PTPRD: variants seen among roughly 807,000 people sequenced by gnomAD.
PTPRD encodes protein tyrosine phosphatase receptor type D.
In PTPRD, 34 loss-of-function variants were observed where a neutral mutation model predicts 214.5. That is an observed-to-expected ratio of 0.16 (90% CI 0.12 to 0.21). The LOEUF is 0.21. Ranked by LOEUF, PTPRD falls within the 10% of genes least tolerant of loss-of-function variation. The probability of loss-of-function intolerance (pLI) is 1.00; values close to 1 mark genes in which losing one functional copy is unlikely to be tolerated. For synonymous variants in PTPRD, 1,128 were observed against 845.7 expected (o/e 1.33, Z -5.79); for missense variants, 2,545 against 2,398.7 (o/e 1.06, Z -1.27).
rs1056168144 is a variant in PTPRD, at chr9:8,377,162, T to C, written c.4387-436A>G. Among the ~76,000 whole-genome samples, 5 of 152,110 alleles carry C rather than the reference T, an allele frequency of 3.3e-5. No homozygotes were observed. The East Asian group carries it at 5.8e-4, about 18-fold the overall frequency. On this transcript the variant is annotated intron_variant, in intron 37 of 45. Coordinates refer to ENST00000381196, the MANE Select transcript of PTPRD (RefSeq NM_002839.4). The stretch of plus-strand genomic sequence containing the variant: ...AAAGCACAACTTCCAAATATGCTTG[T>C]TTAAAGAAAAGTAGAAATAATTGGA...
chr9:8,649,280 G>T (rs1036615261), intron 12 of PTPRD, among the ~76,000 whole-genome samples: 1 of 152,210 alleles, frequency 6.6e-6, no homozygotes, highest in Non-Finnish European at 1.5e-5. Flanking sequence ...CACTGTATGA[G>T]CTGAAAGGCT....
At chr9:8,366,411 G>T (rs528966928) in intron 39 of PTPRD, among the ~76,000 whole-genome samples, 9 of 152,180 alleles carry the variant, frequency 5.9e-5, no homozygotes, top group Non-Finnish European at 1.2e-4. Flanking sequence ...AGTGGAAGAG[G>T]TATTGAGGGA....
chr9:10,049,407 A>AAAAGAAAGAAAGAAAGAAAGAAAGAAAG (rs1165910757), intron 3 of PTPRD, among the ~76,000 whole-genome samples: 8 of 115,696 alleles, frequency 6.9e-5, no homozygotes, highest in Non-Finnish European at 1.0e-4. Flanking sequence ...TTAAAAAAAA[A>AAAAGAAAGAAAGAAAGAAAGAAAGAAAG]AAAGAAAGAA....
chr9:10,097,662 TATAC>T (rs1184860923), intron 3 of PTPRD, among the ~76,000 whole-genome samples: 1 of 151,810 alleles, frequency 6.6e-6, no homozygotes, highest in East Asian at 2.0e-4. Flanking sequence ...GTTTTCTAGA[TATAC>T]AATCATGTCG....
chr9:10,171,893 G>T (rs2099210015), intron 3 of PTPRD, among the ~76,000 whole-genome samples: 1 of 152,064 alleles, frequency 6.6e-6, no homozygotes, highest in African/African-American at 2.4e-5. Flanking sequence ...CCAAACCCAG[G>T]AATAGTAGGC....
intron 9 of PTPRD, among the ~76,000 whole-genome samples, chr9:9,302,411 C>T (rs963499471): frequency 2.0e-5 from 3 of 151,896 alleles, no homozygotes; most frequent in Middle Eastern, 3.4e-3. Context: ...CCTTCTCCAG[C>T]TGCATATGCA....
chr9:8,800,674 C>T (rs1004925263), intron 11 of PTPRD, among the ~76,000 whole-genome samples: 4 of 152,180 alleles, frequency 2.6e-5, no homozygotes, highest in African/African-American at 9.7e-5. Flanking sequence ...AAATGGGCAA[C>T]CAGCAGCCTC....
chr9:8,672,137 T>C lies in PTPRD; in HGVS notation c.65-35293A>G, dbSNP rs531647787. Among the ~76,000 whole-genome samples, 10 of 152,320 alleles carry C rather than the reference T, an allele frequency of 6.6e-5. No individual in the cohort carries two copies. The East Asian group carries it at 7.7e-4, about 12-fold the overall frequency. On this transcript the variant is annotated intron_variant, in intron 12 of 45. Coordinates refer to ENST00000381196, the MANE Select transcript of PTPRD (RefSeq NM_002839.4). Reference sequence around the variant, plus strand: ...GTTTACTGTTCATGTTCATGACAATTTGAAGTCAATCTAACACTAATAAAA... The same window carrying C: ...GTTTACTGTTCATGTTCATGACAATCTGAAGTCAATCTAACACTAATAAAA...
intron 2 of PTPRD, among the ~76,000 whole-genome samples, chr9:10,350,052 G>A (rs918654207): frequency 1.3e-5 from 2 of 152,134 alleles, no homozygotes; most frequent in Admixed American, 1.3e-4. Flanking sequence ...GACAATATAA[G>A]TTCACAGACT....
intron 5 of PTPRD, among the ~76,000 whole-genome samples, chr9:9,833,157 G>A (rs764479386): frequency 1.3e-5 from 2 of 151,942 alleles, no homozygotes; most frequent in Admixed American, 1.3e-4. Flanking sequence ...TAGACAATCT[G>A]TTAAGGGTTC....
At chr9:10,128,093 G>A (rs1369655746) in intron 3 of PTPRD, among the ~76,000 whole-genome samples, 1 of 152,042 alleles carries the variant, frequency 6.6e-6, no homozygotes, top group Non-Finnish European at 1.5e-5. Flanking sequence ...TCAACTCCAG[G>A]TTCTTCCCTT....
At chr9:8,946,130 C>G (rs1377284343) in intron 11 of PTPRD, among the ~76,000 whole-genome samples, 1 of 152,106 alleles carries the variant, frequency 6.6e-6, no homozygotes, top group Non-Finnish European at 1.5e-5. Flanking sequence ...AAAATGGTAA[C>G]CAAGAGCATT....
chr9:8,882,884 C>CACAAAAAAAAAAAA (rs2098458022), intron 11 of PTPRD, among the ~76,000 whole-genome samples: 1 of 101,040 alleles, frequency 9.9e-6, no homozygotes, highest in Non-Finnish European at 2.0e-5. Context: ...GGCTCTGTCT[C>CACAAAAAAAAAAAA]AAAAAAAAAA....
In PTPRD at chr9:8,660,408, G is replaced by C. The variant is rs115738103; in HGVS notation, c.65-23564C>G. Among the ~76,000 whole-genome samples the C allele has an allele frequency of 5.1e-3, 778 of 152,280 alleles. 17 individuals are homozygous for C. Among genetic ancestry groups the C allele is most frequent in the African/African-American group, 0.018 (748 of 41,534 alleles). On this transcript the variant is annotated intron_variant, in intron 12 of 45. Coordinates refer to ENST00000381196, the MANE Select transcript of PTPRD (RefSeq NM_002839.4). ...TTGAGGGTTAAGCCCACTGGTGGCA[G>C]ATGACTGGGTCAGATGCATTCAAAA...
intron 7 of PTPRD, among the ~76,000 whole-genome samples, chr9:9,606,020 A>G (rs1321382356): frequency 6.6e-6 from 1 of 152,034 alleles, no homozygotes; most frequent in Non-Finnish European, 1.5e-5. Flanking sequence ...TTGATACTAC[A>G]CAAAATGCTT....
At chr9:8,555,264 A>G (rs1245427564) in intron 14 of PTPRD, among the ~76,000 whole-genome samples, 1 of 152,080 alleles carries the variant, frequency 6.6e-6, no homozygotes, top group Non-Finnish European at 1.5e-5. Flanking sequence ...AAAATTAGCC[A>G]AGCATGACAG....
intron 4 of PTPRD, among the ~76,000 whole-genome samples, chr9:9,980,617 AC>A (rs369468664): frequency 0.7 from 64,919 of 92,104 alleles, 28,063 homozygotes; most frequent in Non-Finnish European, 0.79. Context: ...TCAAAAAAAA[AC>A]AAAAAAAAAA....
intron 6 of PTPRD, among the ~76,000 whole-genome samples, chr9:9,743,869 G>A (rs1339285882): frequency 6.6e-6 from 1 of 151,724 alleles, no homozygotes; most frequent in African/African-American, 2.4e-5. Flanking sequence ...TATCCAAGAA[G>A]AAAATATGCA....
chr9:9,129,850 T>G (rs2099839932), intron 10 of PTPRD, among the ~76,000 whole-genome samples: 1 of 152,196 alleles, frequency 6.6e-6, no homozygotes, highest in Non-Finnish European at 1.5e-5. Flanking sequence ...AGCATAGTAT[T>G]GAGGAGTACA....
Sources: allele counts gnomAD v4.1 joint callset (sites outside exome capture counted in the v4.1 genomes callset), GRCh38; gene constraint gnomAD v4.1.1; transcripts MANE v1.5; gene names NCBI Gene and HGNC (gene_info 2026-07-23, HGNC 2026-07-21).